SPOCK3: variants seen among roughly 807,000 people sequenced by gnomAD.
SPOCK3 encodes SPARC (osteonectin), cwcv and kazal like domains proteoglycan 3.
In SPOCK3, 30 loss-of-function variants were observed where a neutral mutation model predicts 56.6. That is an observed-to-expected ratio of 0.53 (90% CI 0.40 to 0.72). SPOCK3 has a LOEUF of 0.72. Ranked by LOEUF, SPOCK3 falls within the 30% of genes least tolerant of loss-of-function variation. The pLI is 0.00. For synonymous variants in SPOCK3, 196 were observed against 183.3 expected, an observed-to-expected ratio of 1.07 and a Z score of -0.56; for missense variants, 527 against 530.0, an observed-to-expected ratio of 0.99 and a Z score of 0.06.
At chr4:167,037,710 T>C (rs1752890709) in intron 3 of SPOCK3, among the ~76,000 whole-genome samples, 1 of 152,198 alleles carries the variant, frequency 6.6e-6, no homozygotes, top group Non-Finnish European at 1.5e-5. Context: ...GAAGTCACTA[T>C]AGATGAATGT....
At chr4:166,850,870 AG>A (rs1224129443) in intron 6 of SPOCK3, among the ~76,000 whole-genome samples, 1 of 152,230 alleles carries the variant, frequency 6.6e-6, no homozygotes, top group Non-Finnish European at 1.5e-5. Context: ...TCAAACTGCA[AG>A]GTGGCAGCGA....
rs142963059 is a variant in SPOCK3 at position 166,736,852 on chromosome 4, G to A, written c.1132+615C>T. ...CCACAATGGAAACTTTAAAATGCATGTATGTTATGCTCAACTAAGCGTTAC... is the reference window on the plus strand; with the variant it reads ...CCACAATGGAAACTTTAAAATGCATATATGTTATGCTCAACTAAGCGTTAC... On this transcript the variant is annotated intron_variant, in intron 10 of 10. Transcript: ENST00000357545. Among the ~76,000 whole-genome samples, 632 of 152,046 alleles carry A rather than the reference G, an allele frequency of 4.2e-3. 4 individuals are homozygous for A. Among genetic ancestry groups the A allele is most frequent in the Non-Finnish European group, 6.9e-3 (469 of 67,968 alleles).
chr4:166,772,866 T>C (rs887712281), intron 7 of SPOCK3, among the ~76,000 whole-genome samples: 3 of 152,078 alleles, frequency 2.0e-5, no homozygotes, highest in Non-Finnish European at 2.9e-5. Flanking sequence ...TCATGGCTCA[T>C]TGCAGCCTCA....
intron 3 of SPOCK3, among the ~76,000 whole-genome samples, chr4:167,047,258 A>T (rs994512079): frequency 6.6e-6 from 1 of 152,206 alleles, no homozygotes; most frequent in African/African-American, 2.4e-5. Context: ...CGAGTATTTT[A>T]AAAATAGGGT....
At chr4:167,218,129 G>T (rs182867279) in intron 2 of SPOCK3, among the ~76,000 whole-genome samples, 1 of 152,072 alleles carries the variant, frequency 6.6e-6, no homozygotes, top group Non-Finnish European at 1.5e-5. Context: ...GCTTTCTTAT[G>T]TTTCTAACAT....
At chr4:167,107,302 T>A (rs993836182) in intron 2 of SPOCK3, among the ~76,000 whole-genome samples, 17 of 151,946 alleles carry the variant, frequency 1.1e-4, no homozygotes, top group African/African-American at 3.9e-4. Flanking sequence ...AGATCATTAG[T>A]CATGACCAAG....
At chr4:166,913,336 A>G (rs1271244369) in intron 4 of SPOCK3, among the ~76,000 whole-genome samples, 4 of 152,146 alleles carry the variant, frequency 2.6e-5, no homozygotes, top group African/African-American at 9.7e-5. Context: ...AAAAAAATCC[A>G]TTCTCTTCTG....
chr4:166,879,362 C>G (rs1158068978), intron 6 of SPOCK3, among the ~76,000 whole-genome samples: 1 of 152,054 alleles, frequency 6.6e-6, no homozygotes, highest in Non-Finnish European at 1.5e-5. Flanking sequence ...GATCCTGTCT[C>G]TACAAAAATA....
intron 2 of SPOCK3, among the ~76,000 whole-genome samples, chr4:167,232,021 T>G (rs577111941): frequency 6.6e-6 from 1 of 150,536 alleles, no homozygotes; most frequent in Non-Finnish European, 1.5e-5. Context: ...ACAATTTTGA[T>G]GGACTTTTTC....
chr4:167,036,075 A>T (rs1452228431), intron 3 of SPOCK3, among the ~76,000 whole-genome samples: 1 of 152,230 alleles, frequency 6.6e-6, no homozygotes, highest in African/African-American at 2.4e-5. Flanking sequence ...AGTTTTATGA[A>T]AGACCATTTA....
At chr4:167,059,753 A>T (rs1213424491) in intron 3 of SPOCK3, among the ~76,000 whole-genome samples, 3 of 152,220 alleles carry the variant, frequency 2.0e-5, no homozygotes, top group Non-Finnish European at 4.4e-5. Context: ...GAACAAACCC[A>T]AATGTCCAAC....
chr4:166,950,682 G>T (rs1447231666), intron 4 of SPOCK3, among the ~76,000 whole-genome samples: 2 of 148,786 alleles, frequency 1.3e-5, no homozygotes, highest in Non-Finnish European at 3.0e-5. Context: ...CACATACTTG[G>T]AAGTAAAGCT....
intron 4 of SPOCK3, among the ~76,000 whole-genome samples, chr4:166,990,774 T>C (rs1234734477): frequency 2.0e-5 from 3 of 152,054 alleles, no homozygotes; most frequent in African/African-American, 4.8e-5. Flanking sequence ...AATGAATTCA[T>C]AGCAAGCATC....
chr4:167,003,732 A>G (rs1190626494), intron 3 of SPOCK3, among the ~76,000 whole-genome samples: 2 of 152,148 alleles, frequency 1.3e-5, no homozygotes, highest in Non-Finnish European at 2.9e-5. Context: ...TCTTTTCTTC[A>G]TCCTAATCTC....
At chr4:166,801,813 A>G (rs978345866) in intron 6 of SPOCK3, among the ~76,000 whole-genome samples, 3 of 152,164 alleles carry the variant, frequency 2.0e-5, no homozygotes, top group South Asian at 4.1e-4. Context: ...GTTCTCCAAT[A>G]TAAAGTAGCA....
intron 2 of SPOCK3, among the ~76,000 whole-genome samples, chr4:167,075,860 CTTACA>C (rs1335409301): frequency 6.6e-5 from 10 of 152,030 alleles, no homozygotes; most frequent in African/African-American, 2.4e-4. Flanking sequence ...GTTCTTCTCT[CTTACA>C]TTAATCTACG....
chr4:166,924,622 C>A (rs140676633), intron 4 of SPOCK3, among the ~76,000 whole-genome samples: 1 of 152,228 alleles, frequency 6.6e-6, no homozygotes, highest in Non-Finnish European at 1.5e-5. Context: ...AACTCCCTCA[C>A]TAACAATGCC....
chr4:166,933,178 A>G (rs907858277), intron 4 of SPOCK3, among the ~76,000 whole-genome samples: 3 of 152,228 alleles, frequency 2.0e-5, no homozygotes, highest in Non-Finnish European at 2.9e-5. Context: ...GACTCTCTGT[A>G]TGCCAAAATT....
intron 6 of SPOCK3, among the ~76,000 whole-genome samples, chr4:166,850,545 A>G (rs552725105): frequency 2.6e-5 from 4 of 152,268 alleles, no homozygotes; most frequent in Middle Eastern, 3.4e-3. Context: ...CTGCATTTCC[A>G]TCTGAGGTAC....
Sources: allele counts gnomAD v4.1 joint callset (sites outside exome capture counted in the v4.1 genomes callset), GRCh38; gene constraint gnomAD v4.1.1; transcripts MANE v1.5; gene names NCBI Gene and HGNC (gene_info 2026-07-23, HGNC 2026-07-21).